Variants in SLK observed in about 807,000 individuals in gnomAD.
The protein encoded by SLK is STE20 like kinase.
A neutral mutation model predicts 147.7 loss-of-function variants in SLK; 67 were observed. That is an observed-to-expected ratio of 0.45 (90% CI 0.37 to 0.56). The LOEUF (loss-of-function observed/expected upper bound fraction) is 0.56. Ranked by LOEUF, SLK falls within the 20% of genes least tolerant of loss-of-function variation. The pLI, the probability that SLK is intolerant of heterozygous loss-of-function variation, is 0.00. For synonymous variants in SLK, 441 were observed against 475.0 expected, an observed-to-expected ratio of 0.93 and a Z score of 0.93; for missense variants, 1,136 against 1,438.8, an observed-to-expected ratio of 0.79 and a Z score of 3.41.
chr10:104,016,228 A>C (rs1015208914), intron 13 of SLK, among the ~76,000 whole-genome samples: 9 of 152,062 alleles, frequency 5.9e-5, no homozygotes, highest in Admixed American at 3.3e-4. Flanking sequence ...CTGAGGCAGG[A>C]GAATGGCATG....
intron 1 of SLK, among the ~76,000 whole-genome samples, chr10:103,984,705 C>T (rs574944938): frequency 3.2e-4 from 48 of 152,294 alleles, no homozygotes; most frequent in Non-Finnish European, 5.9e-4. Flanking sequence ...TGAGCCACCG[C>T]GCTCAGCCTT....
At chr10:104,021,374 A>G (rs993332710) in intron 17 of SLK, among the ~76,000 whole-genome samples, 6 of 152,252 alleles carry the variant, frequency 3.9e-5, no homozygotes, top group African/African-American at 1.4e-4. Context: ...AGGAAAAACA[A>G]AAGCTCAAGC....
At chr10:103,983,558 G>T (rs1307466619) in intron 1 of SLK, among the ~76,000 whole-genome samples, 5 of 152,130 alleles carry the variant, frequency 3.3e-5, no homozygotes, top group African/African-American at 1.2e-4. Flanking sequence ...AAAGTATAGG[G>T]CACTAGAGGG....
chr10:103,967,926 C>T (rs759801457), intron 1 of SLK, 31 bp downstream of exon 1: 2 of 1,609,568 alleles, frequency 1.2e-6, no homozygotes, highest in East Asian at 2.2e-5. Context: ...AGTTGTACTG[C>T]GAAGGTAAAA....
intron 18 of SLK, among the ~76,000 whole-genome samples, chr10:104,022,299 G>C (rs1290416725): frequency 6.6e-6 from 1 of 152,156 alleles, no homozygotes; most frequent in Non-Finnish European, 1.5e-5. Flanking sequence ...AAAAGGCCCT[G>C]TTATTCTACG....
rs533848587 is a variant in SLK, at chr10:104,028,634, T to A, written c.*2914T>A. On this transcript the variant is annotated 3_prime_UTR_variant, in exon 19 of 19. Coordinates refer to ENST00000369755, the MANE Select transcript of SLK (RefSeq NM_014720.4). ...CTCAAGCACAAAGCTCTCAGGCATA[T>A]GAGACCCACCTTAATGAAGGGTCTC... The A allele has an allele frequency of 2.0e-5, 3 of 152,334 alleles. No individual in the cohort carries two copies. The East Asian group carries it at 5.8e-4, about 29-fold the overall frequency. 9.4% of individuals were successfully genotyped at this position (152,334 alleles called of 1,614,324 possible). A position where few individuals can be genotyped will look rare whatever the true frequency, so the allele number is the denominator to read the frequency against.
Position 104,002,922 on chromosome 10 carries a change from C to G in SLK, c.1744C>G (p.Gln582Glu), listed in dbSNP as rs202126066. ...TGGGAAAGAAGTGGTCGAAGTAGGC[C>G]AGAAATTAATTAATAAGCCCATGGT... ...NDGKEVVEVG[Q>E]KLINKPMVGP... Residue 582 changes from glutamine (Q) to glutamate (E), a missense_variant, in exon 9 of 19, where the codon CAG (glutamine) becomes GAG (glutamate). Around this residue, in one of 6 missense-constraint regions of SLK, gnomAD observed 516 missense variants for 531.3 expected, o/e 0.97. Transcript: ENST00000369755. The G allele has an allele frequency of 2.2e-5, 35 of 1,613,962 alleles. No individual in the cohort carries two copies. The Admixed American group carries it at 5.3e-4, about 25-fold the overall frequency.
chr10:103,992,979 T>A lies in SLK; in HGVS notation c.365-5T>A. Reference sequence around the variant, plus strand: ...CAGATTTTTTTTTTTACTTTCTCCTTATAGAACTTGAGAGACCATTAACTG... The same window carrying A: ...CAGATTTTTTTTTTTACTTTCTCCTAATAGAACTTGAGAGACCATTAACTG... On this transcript the variant is annotated splice_region_variant and splice_polypyrimidine_tract_variant and intron_variant, in intron 3 of 18. Transcript: ENST00000369755. 1.2e-6 allele frequency: 2 copies of A among 1,605,476 alleles called. No homozygotes were observed. The highest frequency in any genetic ancestry group is 1.7e-6 in the Non-Finnish European group (2 of 1,176,342).
At chr10:103,976,188 C>T (rs1287959532) in intron 1 of SLK, among the ~76,000 whole-genome samples, 1 of 152,090 alleles carries the variant, frequency 6.6e-6, no homozygotes, top group Non-Finnish European at 1.5e-5. Context: ...CAGGTGTGAG[C>T]CACCATGTCC....
intron 4 of SLK, among the ~76,000 whole-genome samples, chr10:103,993,696 T>C (rs1844129332): frequency 6.6e-6 from 1 of 152,198 alleles, no homozygotes; most frequent in South Asian, 2.1e-4. Context: ...AAGAATTAGA[T>C]GTAGGTCTTA....
Position 104,019,986 on chromosome 10 carries a change from C to T in SLK, c.3321+64C>T, listed in dbSNP as rs1051601071. 80 of 1,278,718 alleles carry T rather than the reference C, an allele frequency of 6.3e-5. No homozygotes were observed. In the Middle Eastern group the frequency reaches 7.6e-4, roughly 12 times the overall value. The allele number at this position is 1,278,718 out of a possible 1,614,324, so 79.2% of individuals were successfully genotyped here. Reference sequence around the variant, plus strand: ...AATTTTTGAATGACCATTAGAAGTTCTACAAAATTCCTTTCTTTCTAAACA... The same window carrying T: ...AATTTTTGAATGACCATTAGAAGTTTTACAAAATTCCTTTCTTTCTAAACA... On this transcript the variant is annotated intron_variant, in intron 16 of 18. Coordinates refer to ENST00000369755, the MANE Select transcript of SLK (RefSeq NM_014720.4).
At chr10:103,990,446 C>T (rs1214839681) in intron 1 of SLK, among the ~76,000 whole-genome samples, 1 of 152,162 alleles carries the variant, frequency 6.6e-6, no homozygotes, top group African/African-American at 2.4e-5. Context: ...CTGTACTTTC[C>T]ACGCAATTTT....
At chr10:103,971,336 G>A (rs1335442667) in intron 1 of SLK, among the ~76,000 whole-genome samples, 4 of 152,026 alleles carry the variant, frequency 2.6e-5, no homozygotes, top group Non-Finnish European at 5.9e-5. Context: ...GTGCTGTGGC[G>A]CAATCTCGGC....
chr10:103,972,532 C>T (rs1056258010), intron 1 of SLK, among the ~76,000 whole-genome samples: 3 of 151,996 alleles, frequency 2.0e-5, no homozygotes, highest in South Asian at 2.1e-4. Flanking sequence ...ATTAGCCGGG[C>T]GTGGTGGCAG....
intron 4 of SLK, among the ~76,000 whole-genome samples, chr10:103,996,081 G>C (rs1217121009): frequency 6.6e-6 from 1 of 152,070 alleles, no homozygotes; most frequent in African/African-American, 2.4e-5. Context: ...TGGTGATGTT[G>C]GTTATCTGAA....
intron 1 of SLK, among the ~76,000 whole-genome samples, chr10:103,983,795 C>T (rs1265008468): frequency 6.6e-6 from 1 of 152,080 alleles, no homozygotes; most frequent in Non-Finnish European, 1.5e-5. Context: ...CACCAGTTGG[C>T]TGGTACCCTG....
At chr10:104,008,419 T>A in intron 12 of SLK, 63 bp downstream of exon 12, 2 of 1,156,944 alleles carry the variant, frequency 1.7e-6, no homozygotes, top group Non-Finnish European at 2.5e-6. Context: ...GTTTTAAGAC[T>A]ATCTAAGGAT....
intron 15 of SLK, chr10:104,019,162 G>A (rs1844502225): frequency 6.6e-6 from 2 of 301,620 alleles, no homozygotes; most frequent in South Asian, 9.1e-5. Context: ...TCTTCATCTC[G>A]GCTCTCAAAG....
At chr10:103,986,670 T>TC (rs1175072365) in intron 1 of SLK, among the ~76,000 whole-genome samples, 41 of 81,670 alleles carry the variant, frequency 5.0e-4, no homozygotes, top group East Asian at 4.9e-3. Context: ...TGTGAAGAGT[T>TC]TTTTTTTTTT....
Sources: gnomAD v4.1 joint callset for allele counts (sites outside exome capture counted in the v4.1 genomes callset) on GRCh38, gnomAD v4.1.1 for gene constraint, gnomAD v4.1.1 regional missense constraint, MANE v1.5 for transcripts, NCBI Gene and HGNC (gene_info 2026-07-23, HGNC 2026-07-21) for gene names.